Variants in FBXW11 observed in about 807,000 individuals in gnomAD.
The protein encoded by FBXW11 is F-box and WD repeat domain containing 11.
A neutral mutation model predicts 77.6 loss-of-function variants in FBXW11; 19 were observed. The ratio of observed to expected loss-of-function variants is 0.24; its 90% CI spans 0.17 to 0.36. The LOEUF is 0.36. Among genes scored for constraint, FBXW11 ranks in the 10% least tolerant of loss-of-function variants. FBXW11 has a pLI of 1.00. For synonymous variants in FBXW11, 235 were observed against 249.4 expected, an observed-to-expected ratio of 0.94 and a Z score of 0.54; for missense variants, 334 against 704.2, an observed-to-expected ratio of 0.47 and a Z score of 5.95.
chr5:171,936,310 A>G (rs907130058), intron 2 of FBXW11, among the ~76,000 whole-genome samples: 2 of 151,704 alleles, frequency 1.3e-5, no homozygotes, highest in African/African-American at 4.8e-5. Context: ...TAGGCAACAC[A>G]GCAAGACCCA....
At chr5:171,968,997 T>C (rs181062004) in intron 1 of FBXW11, among the ~76,000 whole-genome samples, 3 of 152,230 alleles carry the variant, frequency 2.0e-5, no homozygotes, top group African/African-American at 7.2e-5. Context: ...GGGCCGGGCG[T>C]GGTGGCTCAT....
chr5:171,930,770 A>AT (rs1242165756), intron 2 of FBXW11, among the ~76,000 whole-genome samples: 24 of 140,706 alleles, frequency 1.7e-4, no homozygotes, highest in East Asian at 8.8e-4. Context: ...AATAAAAAAA[A>AT]AAAAAAGAAA....
intron 7 of FBXW11, among the ~76,000 whole-genome samples, chr5:171,883,805 T>C (rs1433083370): frequency 6.6e-6 from 1 of 152,270 alleles, no homozygotes; most frequent in African/African-American, 2.4e-5. Flanking sequence ...ATATCTTCTT[T>C]TGAGAATTGT....
chr5:171,919,708 C>A (rs539259572), intron 2 of FBXW11, among the ~76,000 whole-genome samples: 1 of 152,326 alleles, frequency 6.6e-6, no homozygotes, highest in South Asian at 2.1e-4. Flanking sequence ...AAATGTTACA[C>A]AACTTGCCTT....
At position 171,967,855 on chromosome 5, in the gene FBXW11, C is replaced by CATATAT. The variant is rs375683631; in HGVS notation, c.46-10163_46-10158dup. 3.4e-3 allele frequency among the ~76,000 whole-genome samples: 403 copies of CATATAT among 118,320 alleles called. 2 individuals carry two copies. The highest frequency in any genetic ancestry group is 0.014 in the African/African-American group (353 of 24,390). 77.6% of individuals were successfully genotyped at this position (118,320 alleles called of 152,430 possible). ...ACTCTGTCTCAAAAAAAAAAAAATGCATATATATATATATATATATATATA... is the reference window on the plus strand; with the variant it reads ...ACTCTGTCTCAAAAAAAAAAAAATGCATATATATATATATATATATATATATATATA... On this transcript the variant is annotated intron_variant, in intron 1 of 13. Transcript: ENST00000517395.
chr5:171,923,152 G>C (rs919870223), intron 2 of FBXW11, among the ~76,000 whole-genome samples: 1 of 152,112 alleles, frequency 6.6e-6, no homozygotes, highest in African/African-American at 2.4e-5. Flanking sequence ...GGCCTCAAAT[G>C]ATCTGCCCGC....
At chr5:171,943,163 T>C (rs1422744762) in intron 2 of FBXW11, among the ~76,000 whole-genome samples, 2 of 152,238 alleles carry the variant, frequency 1.3e-5, no homozygotes, top group Non-Finnish European at 2.9e-5. Flanking sequence ...ACCTTCTTTA[T>C]ATTAGGGTAG....
intron 5 of FBXW11, among the ~76,000 whole-genome samples, chr5:171,899,673 T>C (rs1025415227): frequency 8.0e-6 from 1 of 125,474 alleles, no homozygotes; most frequent in African/African-American, 2.8e-5. Context: ...AAAACATAAA[T>C]ACATAGCTTT....
chr5:171,960,107 G>A lies in FBXW11; in HGVS notation c.46-2409C>T, dbSNP rs138674292. On this transcript the variant is annotated intron_variant, in intron 1 of 13. Transcript: ENST00000517395. ...AGGACTACACCTAGCCAGGTGAGGT[G>A]GCTCACGCCTATAGCCCCAGCACTT... 2.2e-3 allele frequency among the ~76,000 whole-genome samples: 341 copies of A among 152,278 alleles called. 2 individuals are homozygous for A. Among genetic ancestry groups the A allele is most frequent in the African/African-American group, 8.2e-3 (339 of 41,566 alleles).
At chr5:171,883,776 T>C (rs192369664) in intron 7 of FBXW11, among the ~76,000 whole-genome samples, 78 of 152,360 alleles carry the variant, frequency 5.1e-4, no homozygotes, top group Middle Eastern at 3.4e-3. Context: ...TTTTTTCATA[T>C]GTGTATTGAC....
At chr5:171,870,249 G>A (rs956552448) in intron 11 of FBXW11, among the ~76,000 whole-genome samples, 1 of 152,206 alleles carries the variant, frequency 6.6e-6, no homozygotes, top group South Asian at 2.1e-4. Context: ...AACCCATTTG[G>A]GAAGTATATA....
intron 1 of FBXW11, among the ~76,000 whole-genome samples, chr5:172,001,023 T>C (rs540341592): frequency 1.3e-5 from 2 of 152,204 alleles, no homozygotes; most frequent in Non-Finnish European, 2.9e-5. Context: ...AATCAATCTG[T>C]ATGTGTGGAA....
At chr5:171,977,309 CAAAA>C (rs58800740) in intron 1 of FBXW11, among the ~76,000 whole-genome samples, 2 of 62,876 alleles carry the variant, frequency 3.2e-5, no homozygotes, top group Non-Finnish European at 3.4e-5. Context: ...GACCATGTCT[CAAAA>C]AAAAAAAAAA....
intron 2 of FBXW11, among the ~76,000 whole-genome samples, chr5:171,925,129 A>G (rs1761822224): frequency 6.6e-6 from 1 of 152,192 alleles, no homozygotes; most frequent in African/African-American, 2.4e-5. Flanking sequence ...CAAAGTCTCC[A>G]GCTGGCGAAG....
At chr5:171,967,623 T>C (rs1049539260) in intron 1 of FBXW11, among the ~76,000 whole-genome samples, 1 of 151,566 alleles carries the variant, frequency 6.6e-6, no homozygotes, top group East Asian at 1.9e-4. Flanking sequence ...GCGGATCACC[T>C]GAGGTTGGGA....
intron 1 of FBXW11, among the ~76,000 whole-genome samples, chr5:171,999,960 T>C (rs1203693879): frequency 6.6e-6 from 1 of 152,180 alleles, no homozygotes; most frequent in Non-Finnish European, 1.5e-5. Flanking sequence ...ACAGAACTCT[T>C]CCATCTTTTA....
chr5:171,862,916 T>G lies in FBXW11; in HGVS notation c.*1211A>C, dbSNP rs561252576. The G allele has an allele frequency of 1.3e-5, 2 of 152,306 alleles. No homozygotes were observed. The highest frequency in any genetic ancestry group is 4.8e-5 in the African/African-American group (2 of 41,536). The allele number at this position is 152,306 out of a possible 1,614,324, so 9.4% of individuals were successfully genotyped here. A position where few individuals can be genotyped will look rare whatever the true frequency, so the allele number is the denominator to read the frequency against. ...AGCCCGTCAACAGGGCCTTCTTATTTCCCCTTCCCAGGGCCACGACTGCAC... is the reference window on the plus strand; with the variant it reads ...AGCCCGTCAACAGGGCCTTCTTATTGCCCCTTCCCAGGGCCACGACTGCAC... On this transcript the variant is annotated 3_prime_UTR_variant, in exon 14 of 14. Transcript: ENST00000517395.
At chr5:171,929,246 C>T (rs1355362754) in intron 2 of FBXW11, among the ~76,000 whole-genome samples, 1 of 151,370 alleles carries the variant, frequency 6.6e-6, no homozygotes, top group African/African-American at 2.4e-5. Context: ...TGGCACGCGC[C>T]TCTAATTCCA....
At position 172,005,705 on chromosome 5, in the gene FBXW11, C is replaced by T. The variant is rs144675531; in HGVS notation, c.45+753G>A. Reference sequence around the variant, plus strand: ...CTCGCGGCAGTGATGAGGATGGCTCCCTCCCCAGTCATCTCCAATTTCCCA... The same window carrying T: ...CTCGCGGCAGTGATGAGGATGGCTCTCTCCCCAGTCATCTCCAATTTCCCA... On this transcript the variant is annotated intron_variant, in intron 1 of 13. Transcript: ENST00000517395. 9.8e-3 allele frequency among the ~76,000 whole-genome samples: 1,491 copies of T among 152,098 alleles called. 9 individuals are homozygous for T. Among genetic ancestry groups the T allele is most frequent in the Non-Finnish European group, 0.017 (1,125 of 67,984 alleles).
Sources: allele counts gnomAD v4.1 joint callset (sites outside exome capture counted in the v4.1 genomes callset), GRCh38; gene constraint gnomAD v4.1.1; transcripts MANE v1.5; gene names NCBI Gene and HGNC (gene_info 2026-07-23, HGNC 2026-07-21).